The following HPN variants were observed in gnomAD, a reference collection of about 807,000 sequenced individuals.
The protein encoded by HPN is hepsin.
A neutral mutation model predicts 55.9 loss-of-function variants in HPN; 13 were observed. The observed-to-expected ratio is 0.23, with a 90% CI of 0.15 to 0.37. The LOEUF is 0.37. Among genes scored for constraint, HPN ranks in the 10% least tolerant of loss-of-function variants. HPN has a pLI of 1.00. For synonymous variants in HPN, 225 were observed against 240.3 expected (o/e 0.94, Z 0.59); for missense variants, 451 against 575.8 (o/e 0.78, Z 2.22).
At chr19:35,059,848 G>A (rs751922761) in intron 5 of HPN, 26 bp from the exon 6 acceptor site, 1 of 1,518,718 alleles carries the variant, frequency 6.6e-7, no homozygotes, top group East Asian at 2.3e-5. Flanking sequence ...GGGCTGGGGA[G>A]CAGGCCTAAC....
intron 11 of HPN, 82 bp from the exon 12 acceptor site, chr19:35,065,786 G>A: frequency 1.9e-6 from 3 of 1,587,260 alleles, no homozygotes; most frequent in Non-Finnish European, 2.6e-6. Context: ...GAGGGCTCTG[G>A]GGCCACAGCC....
chr19:35,045,539 G>T (rs962801463), intron 2 of HPN, among the ~76,000 whole-genome samples: 2 of 152,178 alleles, frequency 1.3e-5, no homozygotes, highest in African/African-American at 2.4e-5. Context: ...ATCCAGAGGG[G>T]CCTGGAGAAG....
chr19:35,045,256 C>G (rs2064330664), intron 2 of HPN, among the ~76,000 whole-genome samples: 1 of 152,004 alleles, frequency 6.6e-6, no homozygotes, highest in Non-Finnish European at 1.5e-5. Flanking sequence ...CTGCGGCCAG[C>G]CCTACAAACT....
intron 2 of HPN, among the ~76,000 whole-genome samples, chr19:35,048,226 C>T (rs1233297035): frequency 6.6e-6 from 1 of 152,174 alleles, no homozygotes; most frequent in Non-Finnish European, 1.5e-5. Flanking sequence ...ACAGTGAGAG[C>T]CAGGATGGCT....
intron 4 of HPN, chr19:35,050,538 G>A (rs1291938585): frequency 3.1e-6 from 4 of 1,285,232 alleles, no homozygotes; most frequent in Non-Finnish European, 4.1e-6. Flanking sequence ...GTGTCTGCAG[G>A]CATGTGGAAT....
Position 35,059,783 on chromosome 19 carries a change from G to A in HPN, c.271G>A (p.Glu91Lys), listed in dbSNP as rs1382779591. ...CGCCAGGGTAGCCGGACTCAGCTGC[G>A]AGGAGATGGGCTTCCTCAGGTACTG... is the stretch of plus-strand genomic sequence containing the variant. The part of the protein sequence containing the change: ...SNARVAGLSC[E>K]EMGFLRALTH... The change falls in exon 5 of 13, where the codon GAG (glutamate) becomes AAG (lysine). Residue 91 changes from glutamate to lysine, a missense_variant. Physicochemically the swap from Glu to Lys is moderately conservative, Grantham distance 56. Transcript: ENST00000672452. The A allele has an allele frequency of 6.3e-7, 1 of 1,580,088 alleles. No homozygotes were observed. Among genetic ancestry groups the A allele is most frequent in the Non-Finnish European group, 8.6e-7 (1 of 1,162,770 alleles).
chr19:35,042,608 G>T (rs996833711), intron 2 of HPN, 86 bp downstream of exon 2: 3 of 1,170,342 alleles, frequency 2.6e-6, no homozygotes, highest in Non-Finnish European at 3.7e-6. Context: ...ACTCTTCGGA[G>T]CCCCCTCTCT....
At chr19:35,046,897 C>T (rs529423528) in intron 2 of HPN, among the ~76,000 whole-genome samples, 25 of 152,112 alleles carry the variant, frequency 1.6e-4, no homozygotes, top group Admixed American at 4.6e-4. Context: ...GGCGCGATCT[C>T]GGCTCACTGC....
At chr19:35,051,139 C>T (rs926820134) in intron 4 of HPN, among the ~76,000 whole-genome samples, 1 of 150,760 alleles carries the variant, frequency 6.6e-6, no homozygotes, top group African/African-American at 2.4e-5. Flanking sequence ...GCCAGAGTCT[C>T]GCTGTGTCGC....
At chr19:35,058,552 C>A (rs1236951028) in intron 4 of HPN, among the ~76,000 whole-genome samples, 7 of 144,668 alleles carry the variant, frequency 4.8e-5, no homozygotes, top group South Asian at 2.2e-4. Flanking sequence ...GTATTATATT[C>A]TAATAATATA....
intron 2 of HPN, among the ~76,000 whole-genome samples, chr19:35,048,484 T>G (rs1015737117): frequency 2.0e-5 from 3 of 152,254 alleles, no homozygotes; most frequent in Admixed American, 1.3e-4. Context: ...TTTAAATTAT[T>G]ATTTTTAGAA....
At chr19:35,064,245 T>C (rs1000783693) in intron 9 of HPN, among the ~76,000 whole-genome samples, 2 of 152,182 alleles carry the variant, frequency 1.3e-5, no homozygotes, top group African/African-American at 4.8e-5. Flanking sequence ...GGGTTACCAC[T>C]CTCTCTGTAG....
rs775620023 is a variant in HPN at position 35,041,810 on chromosome 19, C to T, written c.-117C>T. 7.5e-7 allele frequency: 1 copy of T among 1,339,074 alleles called. No individual in the cohort carries two copies. 82.9% of individuals were successfully genotyped at this position (1,339,074 alleles called of 1,614,324 possible). A position where few individuals can be genotyped will look rare whatever the true frequency, so the allele number is the denominator to read the frequency against. On this transcript the variant is annotated 5_prime_UTR_variant, in exon 1 of 13. Transcript: ENST00000672452. ...CGGGGCCACCATGCTCCTGCCCAGG[C>T]CTGGAGACTGACCCGACCCCGGCAC...
chr19:35,041,824 C>A lies in HPN; in HGVS notation c.-103C>A. 1 of 1,342,208 alleles carries A rather than the reference C, an allele frequency of 7.5e-7. No homozygotes were observed. Among genetic ancestry groups the A allele is most frequent in the Non-Finnish European group, 9.8e-7 (1 of 1,017,664 alleles). The allele number at this position is 1,342,208 out of a possible 1,614,324, so 83.1% of individuals were successfully genotyped here. A position where few individuals can be genotyped will look rare whatever the true frequency, so the allele number is the denominator to read the frequency against. On this transcript the variant is annotated 5_prime_UTR_variant, in exon 1 of 13. Coordinates refer to ENST00000672452, the MANE Select transcript of HPN (RefSeq NM_001384133.1). ...TCCTGCCCAGGCCTGGAGACTGACC[C>A]GACCCCGGCACTACCTCGAGGCTCC...
chr19:35,054,131 C>T (rs1280357140), intron 4 of HPN, among the ~76,000 whole-genome samples: 1 of 152,110 alleles, frequency 6.6e-6, no homozygotes, highest in Admixed American at 6.5e-5. Context: ...GAAGTGGTCA[C>T]TACTGGCTGG....
chr19:35,042,842 G>T (rs2064307811), intron 2 of HPN, among the ~76,000 whole-genome samples: 1 of 152,176 alleles, frequency 6.6e-6, no homozygotes, highest in South Asian at 2.1e-4. Context: ...TAGCTGTCAT[G>T]GTTAAGGACA....
At chr19:35,041,233 AG>A (rs1384931774), upstream of HPN, among the ~76,000 whole-genome samples, 1 of 152,080 alleles carries the variant, frequency 6.6e-6, no homozygotes, top group Non-Finnish European at 1.5e-5. Flanking sequence ...CGTGACTTGT[AG>A]GAAGCCAGCG....
At chr19:35,055,851 A>G (rs1390184779) in intron 4 of HPN, among the ~76,000 whole-genome samples, 1 of 152,180 alleles carries the variant, frequency 6.6e-6, no homozygotes, top group African/African-American at 2.4e-5. Flanking sequence ...ACAGTGGCTC[A>G]TGCTGGTTCC....
intron 4 of HPN, among the ~76,000 whole-genome samples, chr19:35,051,229 C>G (rs2064402152): frequency 6.6e-6 from 1 of 152,186 alleles, no homozygotes; most frequent in Admixed American, 6.5e-5. Context: ...CTGCCTCAGC[C>G]TCCTGAGTAG....
Sources: gnomAD v4.1 joint callset for allele counts (sites outside exome capture counted in the v4.1 genomes callset) on GRCh38, gnomAD v4.1.1 for gene constraint, MANE v1.5 for transcripts, NCBI Gene and HGNC (gene_info 2026-07-23, HGNC 2026-07-21) for gene names.